The following KCNH5 variants were observed in gnomAD, a reference collection of about 807,000 sequenced individuals.
KCNH5 encodes voltage-gated delayed rectifier potassium channel KCNH5.
Under a neutral mutation model 96.1 loss-of-function variants are expected in KCNH5, and 46 were observed. That is an observed-to-expected ratio of 0.48 (90% CI 0.38 to 0.61). The LOEUF is 0.61. Ranked by LOEUF, KCNH5 falls within the 20% of genes least tolerant of loss-of-function variation. KCNH5 has a pLI of 0.00. For missense variants in KCNH5, 907 were observed against 1,225.8 expected (o/e 0.74, Z 3.88); for synonymous variants, 439 against 449.8 (o/e 0.98, Z 0.30).
At chr14:62,755,531 C>A (rs1376707977) in intron 10 of KCNH5, among the ~76,000 whole-genome samples, 2 of 152,086 alleles carry the variant, frequency 1.3e-5, no homozygotes, top group Non-Finnish European at 2.9e-5. Flanking sequence ...CCTATTTAAA[C>A]TATTCTTAAA....
chr14:62,955,869 C>A (rs1291375619), intron 6 of KCNH5, among the ~76,000 whole-genome samples: 2 of 152,242 alleles, frequency 1.3e-5, no homozygotes, highest in Middle Eastern at 3.4e-3. Context: ...CATGAGGACA[C>A]TGAAGATCAG....
chr14:62,830,432 G>A (rs141090181), intron 8 of KCNH5, among the ~76,000 whole-genome samples: 1 of 152,264 alleles, frequency 6.6e-6, no homozygotes, highest in East Asian at 1.9e-4. Flanking sequence ...GAAGAAAAAG[G>A]TTTAATTTAC....
chr14:62,826,060 T>C (rs17100401), intron 8 of KCNH5, among the ~76,000 whole-genome samples: 5,027 of 152,252 alleles, frequency 0.033, 298 homozygotes, highest in African/African-American at 0.11. Context: ...TTAAGTTACC[T>C]ACATCCATTC....
At position 62,705,013 on chromosome 14, in the gene KCNH5, G is replaced by A. The variant is rs951203174; in HGVS notation, c.*2495C>T. The A allele has an allele frequency of 2.0e-5, 3 of 151,934 alleles. No individual in the cohort carries two copies. Among genetic ancestry groups the A allele is most frequent in the African/African-American group, 7.2e-5 (3 of 41,434 alleles). The allele number at this position is 151,934 out of a possible 1,614,324, so 9.4% of individuals were successfully genotyped here. On this transcript the variant is annotated 3_prime_UTR_variant, in exon 11 of 11. Transcript: ENST00000322893. Reference sequence around the variant, plus strand: ...CACCTCTTCATATCATGCACACAGAGAACAGAGATGGCTGAAAAGACACTA... The same window carrying A: ...CACCTCTTCATATCATGCACACAGAAAACAGAGATGGCTGAAAAGACACTA...
At chr14:62,892,791 G>A (rs1888737031) in intron 7 of KCNH5, among the ~76,000 whole-genome samples, 1 of 152,162 alleles carries the variant, frequency 6.6e-6, no homozygotes, top group South Asian at 2.1e-4. Flanking sequence ...AAGCTTGAAT[G>A]ACAACACATA....
chr14:62,964,541 A>G (rs2139547831), intron 6 of KCNH5, among the ~76,000 whole-genome samples: 1 of 152,214 alleles, frequency 6.6e-6, no homozygotes, highest in South Asian at 2.1e-4. Context: ...CCCCACCAGA[A>G]TATTAACTCT....
intron 8 of KCNH5, among the ~76,000 whole-genome samples, chr14:62,846,997 T>C (rs1045704146): frequency 3.3e-5 from 5 of 149,334 alleles, no homozygotes; most frequent in African/African-American, 7.3e-5. Flanking sequence ...AGACAGAGTT[T>C]CACAGTGTTA....
At chr14:63,042,119 ATC>A (rs150106722) in intron 1 of KCNH5, among the ~76,000 whole-genome samples, 6 of 149,276 alleles carry the variant, frequency 4.0e-5, no homozygotes, top group African/African-American at 7.4e-5. Context: ...ATGTCCCATA[ATC>A]TCTCTCTCTC....
chr14:63,031,794 G>T (rs892862040), intron 1 of KCNH5, among the ~76,000 whole-genome samples: 3 of 152,046 alleles, frequency 2.0e-5, no homozygotes, highest in African/African-American at 4.8e-5. Flanking sequence ...GGAAGATGAT[G>T]AATAGGTTAA....
intron 1 of KCNH5, among the ~76,000 whole-genome samples, chr14:63,040,323 A>G (rs1891798905): frequency 6.6e-6 from 1 of 152,154 alleles, no homozygotes; most frequent in Non-Finnish European, 1.5e-5. Flanking sequence ...AGTGAAGATA[A>G]CAGTATCTTA....
At chr14:62,709,195 A>C (rs1022783699) in intron 10 of KCNH5, among the ~76,000 whole-genome samples, 4 of 130,156 alleles carry the variant, frequency 3.1e-5, no homozygotes, top group African/African-American at 1.1e-4. Context: ...ATCGCGCCAC[A>C]GCACTCCCGC....
chr14:62,852,339 T>G (rs1887823531), intron 7 of KCNH5, among the ~76,000 whole-genome samples: 1 of 152,200 alleles, frequency 6.6e-6, no homozygotes, highest in Non-Finnish European at 1.5e-5. Context: ...CTCATTTTCA[T>G]GTGAATGTAG....
intron 7 of KCNH5, among the ~76,000 whole-genome samples, chr14:62,933,942 G>A (rs577170312): frequency 1.1e-4 from 16 of 152,074 alleles, no homozygotes; most frequent in Admixed American, 2.0e-4. Flanking sequence ...GTCTTCCCTG[G>A]TATTAGCCAT....
intron 8 of KCNH5, among the ~76,000 whole-genome samples, chr14:62,807,852 A>G (rs577469617): frequency 2.3e-4 from 35 of 152,264 alleles, no homozygotes; most frequent in Admixed American, 1.5e-3. Context: ...ATTTATGCAA[A>G]AAATGTTGTA....
chr14:62,714,779 A>G (rs1029146), intron 10 of KCNH5, among the ~76,000 whole-genome samples: 143,632 of 152,230 alleles, frequency 0.94, 68,239 homozygotes, highest in East Asian at 1. Flanking sequence ...TAAAAACCTA[A>G]TATTTGGTTT....
chr14:62,888,787 G>C (rs1287915828), intron 7 of KCNH5, among the ~76,000 whole-genome samples: 1 of 152,088 alleles, frequency 6.6e-6, no homozygotes, highest in African/African-American at 2.4e-5. Flanking sequence ...TAATTCATCT[G>C]GACCTGTATC....
At chr14:62,728,123 G>A (rs897636786) in intron 10 of KCNH5, among the ~76,000 whole-genome samples, 1 of 151,424 alleles carries the variant, frequency 6.6e-6, no homozygotes, top group Non-Finnish European at 1.5e-5. Flanking sequence ...GCTCACTCCT[G>A]TTAATCCCAC....
intron 1 of KCNH5, among the ~76,000 whole-genome samples, chr14:63,027,413 C>A (rs539149416): frequency 3.0e-4 from 45 of 148,360 alleles, no homozygotes; most frequent in Admixed American, 5.4e-4. Flanking sequence ...AGCCATTCCA[C>A]AATGTAGACA....
chr14:62,889,549 G>A (rs1056577354), intron 7 of KCNH5, among the ~76,000 whole-genome samples: 1 of 152,220 alleles, frequency 6.6e-6, no homozygotes, highest in Non-Finnish European at 1.5e-5. Flanking sequence ...CACATTAACT[G>A]ACAGAGCCGG....
Sources: gnomAD v4.1 joint callset for allele counts (sites outside exome capture counted in the v4.1 genomes callset) on GRCh38, gnomAD v4.1.1 for gene constraint, MANE v1.5 for transcripts, NCBI Gene and HGNC (gene_info 2026-07-23, HGNC 2026-07-21) for gene names.